Variants in PDE1A observed in about 807,000 individuals in gnomAD.
The protein encoded by PDE1A is phosphodiesterase 1A.
Under a neutral mutation model 61.7 loss-of-function variants are expected in PDE1A, and 35 were observed. That is an observed-to-expected ratio of 0.57 (90% confidence interval 0.43 to 0.75). PDE1A has a LOEUF of 0.75. Among genes scored for constraint, PDE1A ranks in the 30% least tolerant of loss-of-function variants. The pLI is 0.00. For missense variants in PDE1A, 597 were observed against 630.6 expected, an observed-to-expected ratio of 0.95 and a Z score of 0.57; for synonymous variants, 232 against 213.2, an observed-to-expected ratio of 1.09 and a Z score of -0.77.
chr2:182,157,619 C>T (rs983664548), intron 13 of PDE1A, among the ~76,000 whole-genome samples: 4 of 151,940 alleles, frequency 2.6e-5, no homozygotes, highest in South Asian at 2.1e-4. Flanking sequence ...TCGTTTTTTT[C>T]GTGGAGACTA....
chr2:182,426,402 C>T (rs150886506), intron 1 of PDE1A, among the ~76,000 whole-genome samples, 176 bp downstream of exon 1: 378 of 152,236 alleles, frequency 2.5e-3, no homozygotes, highest in South Asian at 5.2e-3. Flanking sequence ...AGAGTTTGTG[C>T]ACAAAGTTTC....
At chr2:182,486,353 G>A (rs997624357) in intron 2 of PDE1A, among the ~76,000 whole-genome samples, 1 of 151,828 alleles carries the variant, frequency 6.6e-6, no homozygotes, top group African/African-American at 2.4e-5. Flanking sequence ...ACTTAATATT[G>A]GTTAACAAGA....
chr2:182,590,259 G>GAGT, the PDE1A span, among the ~76,000 whole-genome samples: 7 of 152,092 alleles, frequency 4.6e-5, no homozygotes. Flanking sequence ...TTGAGCCCAG[G>GAGT]AGTTCAAGAC....
intron 2 of PDE1A, among the ~76,000 whole-genome samples, chr2:182,245,584 A>G (rs1274538303): frequency 2.0e-5 from 3 of 152,224 alleles, no homozygotes; most frequent in Non-Finnish European, 4.4e-5. Context: ...TTTCCAGACC[A>G]TCAGATACTT....
chr2:182,159,832 A>G (rs937651092), intron 13 of PDE1A, among the ~76,000 whole-genome samples: 2 of 152,188 alleles, frequency 1.3e-5, no homozygotes, highest in Non-Finnish European at 2.9e-5. Context: ...GTGTGTCTGT[A>G]GTCCTAGCTA....
chr2:182,141,470 TAC>T (rs1416963796), exon 15 of PDE1A: 4 of 152,196 alleles, frequency 2.6e-5, no homozygotes, highest in Non-Finnish European at 5.9e-5. Flanking sequence ...ATGTCTATAA[TAC>T]AATTCAATTA....
chr2:182,580,539 C>T, the PDE1A span, among the ~76,000 whole-genome samples: 1 of 152,122 alleles, frequency 6.6e-6, no homozygotes, highest in Non-Finnish European at 1.5e-5. Context: ...ATCTGAAGTG[C>T]TGCAGGTTAG....
chr2:182,383,803 C>A (rs1442479949), intron 1 of PDE1A, among the ~76,000 whole-genome samples: 1 of 152,126 alleles, frequency 6.6e-6, no homozygotes, highest in African/African-American at 2.4e-5. Flanking sequence ...ATCATTCTTC[C>A]CCAACCCCAG....
chr2:182,711,085 G>A, the PDE1A span, among the ~76,000 whole-genome samples: 3 of 152,306 alleles, frequency 2.0e-5, no homozygotes, highest in South Asian at 2.1e-4. Flanking sequence ...CCAGTGTGAG[G>A]AGAGTGTTCA....
At chr2:182,689,408 C>G in the PDE1A span, among the ~76,000 whole-genome samples, 29 of 152,266 alleles carry the variant, frequency 1.9e-4, no homozygotes, top group Admixed American at 1.9e-3. Flanking sequence ...GGAAACTGAA[C>G]ACCCTGTTCC....
At chr2:182,708,226 G>GC in the PDE1A span, among the ~76,000 whole-genome samples, 2 of 151,996 alleles carry the variant, frequency 1.3e-5, no homozygotes, top group African/African-American at 4.8e-5. Flanking sequence ...TTTGCAACCT[G>GC]CCCCCATGAT....
chr2:182,686,191 A>G, the PDE1A span, among the ~76,000 whole-genome samples: 8 of 152,156 alleles, frequency 5.3e-5, no homozygotes, highest in African/African-American at 1.7e-4. Flanking sequence ...TATATACAAC[A>G]ATAACAAAAA....
chr2:182,173,114 G>A (rs17457164), intron 13 of PDE1A, among the ~76,000 whole-genome samples: 3 of 151,738 alleles, frequency 2.0e-5, no homozygotes, highest in East Asian at 3.9e-4. Context: ...TACTTGGCTT[G>A]TCCTGACCAT....
At chr2:182,329,145 T>G (rs1478909194) in intron 1 of PDE1A, among the ~76,000 whole-genome samples, 1 of 152,168 alleles carries the variant, frequency 6.6e-6, no homozygotes, top group Non-Finnish European at 1.5e-5. Context: ...TGGCTGTCTT[T>G]ACCAGTAGGC....
At chr2:182,334,870 G>GA (rs1232058828) in intron 1 of PDE1A, among the ~76,000 whole-genome samples, 1 of 152,152 alleles carries the variant, frequency 6.6e-6, no homozygotes, top group Admixed American at 6.5e-5. Flanking sequence ...TGTATATTCA[G>GA]AAAACCCCAT....
chr2:182,362,770 A>G (rs1193021147), intron 1 of PDE1A, among the ~76,000 whole-genome samples: 1 of 152,010 alleles, frequency 6.6e-6, no homozygotes, highest in Non-Finnish European at 1.5e-5. Context: ...TACATGCACT[A>G]TTCATTGCAG....
the PDE1A span, among the ~76,000 whole-genome samples, chr2:182,541,653 A>G: frequency 6.6e-6 from 1 of 152,334 alleles, no homozygotes. Flanking sequence ...TCAATCTCTA[A>G]TAAGGTTTAT....
At chr2:182,311,810 T>A (rs1309182910) in intron 1 of PDE1A, among the ~76,000 whole-genome samples, 2 of 152,174 alleles carry the variant, frequency 1.3e-5, no homozygotes, top group African/African-American at 4.8e-5. Context: ...AAGGGTTGGA[T>A]TGCATATTAG....
At chr2:182,335,725 A>C (rs1484308449) in intron 1 of PDE1A, among the ~76,000 whole-genome samples, 3 of 152,242 alleles carry the variant, frequency 2.0e-5, no homozygotes. Flanking sequence ...TTCATGAGTA[A>C]AACATCAAAA....
Sources: gnomAD v4.1 joint callset for allele counts (sites outside exome capture counted in the v4.1 genomes callset) on GRCh38, gnomAD v4.1.1 for gene constraint, MANE v1.5 for transcripts, NCBI Gene and HGNC (gene_info 2026-07-23, HGNC 2026-07-21) for gene names.